Variants in ASIC2 observed in about 807,000 individuals in gnomAD.
ASIC2 encodes the protein acid sensing ion channel subunit 2, also known as acid-sensing ion channel 2.
A neutral mutation model predicts 57.3 loss-of-function variants in ASIC2; 25 were observed. The ratio of observed to expected loss-of-function variants is 0.44; its 90% confidence interval spans 0.32 to 0.61. ASIC2 has a LOEUF of 0.61. ASIC2 is among the 20% of genes least tolerant of loss of function. ASIC2 has a pLI of 0.06. For synonymous variants in ASIC2, 319 were observed against 307.5 expected (o/e 1.04, Z -0.39); for missense variants, 641 against 738.1 (o/e 0.87, Z 1.52).
rs932477082 is a variant in ASIC2, at chr17:33,401,575, C to T, written c.556-289508G>A. Among the ~76,000 whole-genome samples, 4 of 152,202 alleles carry T rather than the reference C, an allele frequency of 2.6e-5. No individual in the cohort carries two copies. The East Asian group carries it at 7.7e-4, about 29-fold the overall frequency. ...CTCTAACTCTGCAAGTTTCTCTTGC[C>T]CCTAATTGAGCTTAATGATTTATGT... On this transcript the variant is annotated intron_variant, in intron 1 of 9. Coordinates refer to the ASIC2 transcript ENST00000359872.
intron 1 of ASIC2, among the ~76,000 whole-genome samples, chr17:34,029,718 T>C (rs558625548): frequency 1.3e-5 from 2 of 152,362 alleles, no homozygotes; most frequent in African/African-American, 4.8e-5. Flanking sequence ...AAAGCAGCTA[T>C]CTGCAAGTCA....
intron 1 of ASIC2, among the ~76,000 whole-genome samples, chr17:33,602,467 C>T (rs1269580012): frequency 6.6e-6 from 1 of 152,172 alleles, no homozygotes; most frequent in Non-Finnish European, 1.5e-5. Flanking sequence ...CATGTTATGA[C>T]ACAGCAAGAA....
At chr17:33,613,739 T>G (rs1325215319) in intron 1 of ASIC2, among the ~76,000 whole-genome samples, 1 of 152,162 alleles carries the variant, frequency 6.6e-6, no homozygotes, top group African/African-American at 2.4e-5. Flanking sequence ...ACATTTTGCT[T>G]TTTGTCACTT....
chr17:33,264,253 T>C (rs1359821225), intron 1 of ASIC2, among the ~76,000 whole-genome samples: 1 of 152,232 alleles, frequency 6.6e-6, no homozygotes, highest in Non-Finnish European at 1.5e-5. Flanking sequence ...GGCACTTCCA[T>C]GGCAGCTCTT....
At chr17:33,613,894 G>A (rs1264704442) in intron 1 of ASIC2, among the ~76,000 whole-genome samples, 2 of 152,040 alleles carry the variant, frequency 1.3e-5, no homozygotes, top group Non-Finnish European at 2.9e-5. Context: ...TTCCAATATT[G>A]TTTGTTCGTT....
rs144865924 is a variant in ASIC2 at position 33,535,342 on chromosome 17, G to A, written c.556-423275C>T. ...GGCCGGAGTGCAGTGGTGCGATCTC[G>A]GCTCACTGCAAGCTCTGCCTCCCAG... On this transcript the variant is annotated intron_variant, in intron 1 of 9. Transcript: ENST00000359872. 5.3e-3 allele frequency among the ~76,000 whole-genome samples: 796 copies of A among 150,674 alleles called. 6 individuals carry two copies. The highest frequency in any genetic ancestry group is 0.019 in the African/African-American group (759 of 40,976).
rs114227016 is a variant in ASIC2, at chr17:33,343,491, G to A, written c.556-231424C>T. 4.1e-4 allele frequency among the ~76,000 whole-genome samples: 62 copies of A among 152,184 alleles called. 1 individual carries two copies. The highest frequency in any genetic ancestry group is 1.0e-3 in the African/African-American group (43 of 41,520). On this transcript the variant is annotated intron_variant, in intron 1 of 9. Transcript: ENST00000359872. ...CTTCCTCACTTTATTACTGGTTTTC[G>A]CATGTGTCCAAATCTTACCTCTCTA...
At chr17:34,045,144 C>A (rs1431070820) in intron 1 of ASIC2, among the ~76,000 whole-genome samples, 3 of 152,132 alleles carry the variant, frequency 2.0e-5, no homozygotes, top group African/African-American at 7.2e-5. Context: ...CAGGCCTGTG[C>A]CTGGCACCAT....
intron 1 of ASIC2, among the ~76,000 whole-genome samples, chr17:33,517,707 G>T (rs1042743773): frequency 2.7e-5 from 4 of 146,226 alleles, no homozygotes; most frequent in Non-Finnish European, 6.0e-5. Context: ...TGTGGGGTTG[G>T]GGGAGGGGGG....
intron 1 of ASIC2, among the ~76,000 whole-genome samples, chr17:33,970,587 A>C (rs72821064): frequency 0.28 from 43,265 of 152,058 alleles, 6,334 homozygotes; most frequent in Middle Eastern, 0.42. Flanking sequence ...CCTCCACTCC[A>C]ACCTGGGTCC....
At chr17:33,630,296 G>A (rs116585973) in intron 1 of ASIC2, among the ~76,000 whole-genome samples, 2,782 of 152,124 alleles carry the variant, frequency 0.018, 109 homozygotes, top group African/African-American at 0.063. Context: ...AGACTATGCC[G>A]CTTCTGTAGG....
At chr17:33,332,673 C>A (rs926118852) in intron 1 of ASIC2, among the ~76,000 whole-genome samples, 1 of 152,024 alleles carries the variant, frequency 6.6e-6, no homozygotes, top group Non-Finnish European at 1.5e-5. Flanking sequence ...GGTGGATCAC[C>A]TGAGGTCAGG....
At chr17:33,244,791 T>G (rs1251121042) in intron 1 of ASIC2, among the ~76,000 whole-genome samples, 4 of 152,324 alleles carry the variant, frequency 2.6e-5, no homozygotes, top group East Asian at 3.9e-4. Flanking sequence ...TTTCACTCGT[T>G]CAGCATCTCT....
At chr17:33,793,159 G>A (rs1020362931) in intron 1 of ASIC2, among the ~76,000 whole-genome samples, 1 of 152,160 alleles carries the variant, frequency 6.6e-6, no homozygotes, top group Non-Finnish European at 1.5e-5. Flanking sequence ...CCTAAAATCT[G>A]TCTAGTCTAG....
intron 1 of ASIC2, among the ~76,000 whole-genome samples, chr17:33,471,577 T>A (rs750965476): frequency 6.6e-6 from 1 of 152,184 alleles, no homozygotes; most frequent in Non-Finnish European, 1.5e-5. Flanking sequence ...GTTGTTAGTA[T>A]TGTACAATGA....
chr17:33,877,487 G>T (rs546959626), intron 1 of ASIC2, among the ~76,000 whole-genome samples: 3 of 152,166 alleles, frequency 2.0e-5, no homozygotes, highest in African/African-American at 7.2e-5. Context: ...TTCCTGGCTC[G>T]GAGGGTCCTA....
intron 1 of ASIC2, among the ~76,000 whole-genome samples, chr17:33,921,341 T>A (rs1050673090): frequency 6.6e-6 from 1 of 152,220 alleles, no homozygotes; most frequent in African/African-American, 2.4e-5. Flanking sequence ...CCTACCATGA[T>A]ACCTGTTATT....
intron 1 of ASIC2, among the ~76,000 whole-genome samples, chr17:33,956,916 G>A (rs1904751709): frequency 6.6e-6 from 1 of 152,250 alleles, no homozygotes; most frequent in Non-Finnish European, 1.5e-5. Context: ...ACCTCTGCAA[G>A]TAGCGAGGCT....
intron 1 of ASIC2, among the ~76,000 whole-genome samples, chr17:33,640,549 A>C (rs936097594): frequency 1.3e-5 from 2 of 152,178 alleles, no homozygotes; most frequent in Non-Finnish European, 2.9e-5. Context: ...CCAGAAGAAG[A>C]ACTCAAACTA....
Sources: gnomAD v4.1 joint callset for allele counts (sites outside exome capture counted in the v4.1 genomes callset) on GRCh38, gnomAD v4.1.1 for gene constraint, MANE v1.5 for transcripts, NCBI Gene and HGNC (gene_info 2026-07-23, HGNC 2026-07-21) for gene names.